RBFOX1: variants seen among roughly 807,000 people sequenced by gnomAD.
RBFOX1 encodes RNA binding protein fox-1 homolog 1.
A neutral mutation model predicts 57.7 loss-of-function variants in RBFOX1; 8 were observed. The ratio of observed to expected loss-of-function variants is 0.14; its 90% CI spans 0.08 to 0.25. The LOEUF (loss-of-function observed/expected upper bound fraction) is 0.25, where lower values mean the gene tolerates loss of function less well. RBFOX1 is among the 10% of genes least tolerant of loss of function. The pLI is 1.00. For missense variants in RBFOX1, 611 were observed against 548.5 expected (o/e 1.11, Z -1.14); for synonymous variants, 326 against 222.4 (o/e 1.47, Z -4.15).
At chr16:6,238,580 C>G (rs1047687761) in intron 1 of RBFOX1, among the ~76,000 whole-genome samples, 4 of 152,248 alleles carry the variant, frequency 2.6e-5, no homozygotes, top group Middle Eastern at 3.4e-3. Context: ...TAGTGATTCT[C>G]AACCCTGGCT....
intron 1 of RBFOX1, among the ~76,000 whole-genome samples, chr16:6,269,139 T>TGA (rs1482649077): frequency 6.6e-6 from 1 of 152,216 alleles, no homozygotes; most frequent in East Asian, 1.9e-4. Context: ...AGCATTAGTA[T>TGA]GACAGATTTC....
intron 4 of RBFOX1, among the ~76,000 whole-genome samples, chr16:5,987,662 C>G (rs1018266498): frequency 1.3e-5 from 2 of 152,150 alleles, no homozygotes; most frequent in Non-Finnish European, 2.9e-5. Context: ...ATCATCATTC[C>G]TATGAGTAGC....
intron 4 of RBFOX1, among the ~76,000 whole-genome samples, chr16:7,257,977 G>C (rs912663039): frequency 1.3e-5 from 2 of 152,178 alleles, no homozygotes; most frequent in Non-Finnish European, 2.9e-5. Flanking sequence ...CCTAATGAAG[G>C]AATTCTGTAT....
At chr16:7,241,816 CAT>C (rs113136959) in intron 4 of RBFOX1, among the ~76,000 whole-genome samples, 317 of 151,744 alleles carry the variant, frequency 2.1e-3, no homozygotes, top group African/African-American at 6.9e-3. Flanking sequence ...CTCACATATA[CAT>C]ATATGTTTAT....
At chr16:6,842,825 C>A (rs2093556839) in intron 3 of RBFOX1, among the ~76,000 whole-genome samples, 1 of 151,878 alleles carries the variant, frequency 6.6e-6, no homozygotes, top group South Asian at 2.1e-4. Flanking sequence ...TCCATGTTCC[C>A]CCAACCCCCT....
At chr16:5,469,036 G>A (rs2069045260) in intron 2 of RBFOX1, among the ~76,000 whole-genome samples, 2 of 152,238 alleles carry the variant, frequency 1.3e-5, no homozygotes, top group Admixed American at 1.3e-4. Context: ...GCTTTCTGCA[G>A]GACCTGGTGG....
rs200075142 is a variant in RBFOX1, at chr16:6,899,137, GTGTA to G, written c.-15-152917_-15-152914del. 7.6e-3 allele frequency among the ~76,000 whole-genome samples: 1,150 copies of G among 151,638 alleles called. 32 individuals carry two copies. The highest frequency in any genetic ancestry group is 0.05 in the Admixed American group (757 of 15,218). ...CGTGTTTATGCATATGTGTATATGT[GTGTA>G]TGGACACACGTGTATGTAACATGTG... On this transcript the variant is annotated intron_variant, in intron 3 of 15. Transcript: ENST00000550418.
intron 3 of RBFOX1, among the ~76,000 whole-genome samples, chr16:6,756,714 G>A (rs899845051): frequency 6.6e-6 from 1 of 152,176 alleles, no homozygotes; most frequent in Non-Finnish European, 1.5e-5. Context: ...GTTCACGCCT[G>A]TAATCCCAAC....
At chr16:6,739,770 G>C (rs148290603) in intron 3 of RBFOX1, among the ~76,000 whole-genome samples, 3,111 of 152,074 alleles carry the variant, frequency 0.02, 113 homozygotes, top group African/African-American at 0.071. Context: ...TCGGCTCCTC[G>C]GGAGGCTGAG....
chr16:6,949,662 C>T (rs1015937475), intron 3 of RBFOX1, among the ~76,000 whole-genome samples: 2 of 152,122 alleles, frequency 1.3e-5, no homozygotes, highest in Non-Finnish European at 2.9e-5. Context: ...AATCCCCAAC[C>T]TTATGACCTC....
chr16:6,930,630 G>C (rs1037642024), intron 3 of RBFOX1, among the ~76,000 whole-genome samples: 1 of 152,048 alleles, frequency 6.6e-6, no homozygotes, highest in Non-Finnish European at 1.5e-5. Flanking sequence ...GGCTGGTCTT[G>C]AGCTCCTCAC....
intron 3 of RBFOX1, among the ~76,000 whole-genome samples, chr16:6,854,751 C>T (rs145516490): frequency 1.3e-5 from 2 of 151,668 alleles, no homozygotes; most frequent in Non-Finnish European, 1.5e-5. Context: ...CCTGCCATTG[C>T]GCCCGGCTAA....
rs1251061122 is a variant in RBFOX1, at chr16:6,787,003, TC to T, written c.-16+132355del. On this transcript the variant is annotated intron_variant, in intron 3 of 15. Coordinates refer to ENST00000550418, the MANE Select transcript of RBFOX1 (RefSeq NM_018723.4). Reference sequence around the variant, plus strand: ...CAGGTCACCCATCTCACTAAAAACTTCCTGCTTTGGGGTTCAGGTTGGAATG... The same window carrying T: ...CAGGTCACCCATCTCACTAAAAACTTCTGCTTTGGGGTTCAGGTTGGAATG... 2.0e-5 allele frequency among the ~76,000 whole-genome samples: 3 copies of T among 152,176 alleles called. No individual in the cohort carries two copies. In the East Asian group the frequency reaches 5.8e-4, roughly 29 times the overall value.
At chr16:5,836,209 C>G (rs533102282) in intron 3 of RBFOX1, among the ~76,000 whole-genome samples, 172 of 152,288 alleles carry the variant, frequency 1.1e-3, no homozygotes, top group African/African-American at 3.9e-3. Flanking sequence ...GGGGGTGAGG[C>G]TGGGCCCAGG....
At chr16:5,507,357 G>T (rs775692949) in intron 2 of RBFOX1, among the ~76,000 whole-genome samples, 7 of 152,098 alleles carry the variant, frequency 4.6e-5, no homozygotes, top group Admixed American at 3.9e-4. Context: ...TGCGAGGAGG[G>T]ATTGTCTTGG....
At chr16:5,874,170 C>A (rs549557969) in intron 4 of RBFOX1, among the ~76,000 whole-genome samples, 1 of 152,182 alleles carries the variant, frequency 6.6e-6, no homozygotes, top group Non-Finnish European at 1.5e-5. Flanking sequence ...TTAACAGCAG[C>A]CTTTCCAATG....
chr16:7,083,964 G>A (rs940098480), intron 4 of RBFOX1, among the ~76,000 whole-genome samples: 1 of 152,042 alleles, frequency 6.6e-6, no homozygotes, highest in Non-Finnish European at 1.5e-5. Context: ...CTGGGACCCA[G>A]AGCTGTTTGC....
intron 1 of RBFOX1, among the ~76,000 whole-genome samples, chr16:6,303,774 G>A (rs972877888): frequency 2.0e-5 from 3 of 148,010 alleles, no homozygotes; most frequent in African/African-American, 4.9e-5. Context: ...ACGAGTTTGA[G>A]ACCGGTCTGG....
chr16:5,270,721 G>T, intron 1 of RBFOX1: 1 of 493,156 alleles, frequency 2.0e-6, no homozygotes, highest in Non-Finnish European at 3.8e-6. Flanking sequence ...CTTGAAAGAA[G>T]TGGTCAATAA....
Sources: allele counts gnomAD v4.1 joint callset (sites outside exome capture counted in the v4.1 genomes callset), GRCh38; gene constraint gnomAD v4.1.1; transcripts MANE v1.5; gene names NCBI Gene and HGNC (gene_info 2026-07-23, HGNC 2026-07-21).